Variants in IQSEC1 observed in about 807,000 individuals in gnomAD.
IQSEC1 encodes IQ motif and Sec7 domain ArfGEF 1, also known as IQ motif and SEC7 domain-containing protein 1.
In IQSEC1, 31 loss-of-function variants were observed where a neutral mutation model predicts 91.0. The observed-to-expected ratio is 0.34, with a 90% CI of 0.26 to 0.46. The LOEUF (loss-of-function observed/expected upper bound fraction) is 0.46. IQSEC1 is among the 20% of genes least tolerant of loss of function. IQSEC1 has a pLI of 1.00. For missense variants in IQSEC1, 1,388 were observed against 1,575.6 expected (o/e 0.88, Z 2.02); for synonymous variants, 699 against 662.6 (o/e 1.05, Z -0.84).
intron 1 of IQSEC1, among the ~76,000 whole-genome samples, chr3:13,165,291 G>A (rs1409939960): frequency 1.3e-5 from 2 of 152,072 alleles, no homozygotes; most frequent in Non-Finnish European, 2.9e-5. Context: ...GTGAAGTGGT[G>A]ATGTGAGATG....
At position 12,924,829 on chromosome 3, in the gene IQSEC1, G is replaced by A. The variant is rs1048990568; in HGVS notation, c.1569-87C>T. Reference sequence around the variant, plus strand: ...GGGGATCTCCGCTCAGTGGACGGTCGACATTCTCCCTCCCTGCCCACCTGC... The same window carrying A: ...GGGGATCTCCGCTCAGTGGACGGTCAACATTCTCCCTCCCTGCCCACCTGC... On this transcript the variant is annotated intron_variant, in intron 3 of 13. Transcript: ENST00000613206. The surrounding 1 kb of genome is among the most constrained non-coding windows in gnomAD (Gnocchi z 6.3). 39 of 1,287,344 alleles carry A rather than the reference G, an allele frequency of 3.0e-5. No homozygotes were observed. The highest frequency in any genetic ancestry group is 5.0e-5 in the Admixed American group (2 of 39,786). The allele number at this position is 1,287,344 out of a possible 1,614,324, so 79.7% of individuals were successfully genotyped here. A position where few individuals can be genotyped will look rare whatever the true frequency, so the allele number is the denominator to read the frequency against.
chr3:12,967,078 A>G lies in IQSEC1; in HGVS notation c.24-25213T>C, dbSNP rs1216883358. Among the ~76,000 whole-genome samples, 2 of 146,604 alleles carry G rather than the reference A, an allele frequency of 1.4e-5. No homozygotes were observed. Among genetic ancestry groups the G allele is most frequent in the African/African-American group, 5.0e-5 (2 of 39,608 alleles). ...CAAACTCAAACTCACCCCCACACCA[A>G]CTTGCACTCCAACAGGCCCTCGATC... On this transcript the variant is annotated intron_variant, in intron 1 of 13. Coordinates refer to ENST00000613206, the MANE Select transcript of IQSEC1 (RefSeq NM_001134382.3). The surrounding 1 kb of genome is among the most constrained non-coding windows in gnomAD (Gnocchi z 5.9).
intron 1 of IQSEC1, among the ~76,000 whole-genome samples, chr3:13,237,546 C>G (rs929436830): frequency 6.6e-6 from 1 of 152,182 alleles, no homozygotes; most frequent in Non-Finnish European, 1.5e-5. Flanking sequence ...GGCCCCGGTT[C>G]CCCCACAGAC....
chr3:12,933,562 C>T (rs576258184), intron 3 of IQSEC1, among the ~76,000 whole-genome samples: 32 of 152,376 alleles, frequency 2.1e-4, no homozygotes, highest in African/African-American at 6.5e-4. Flanking sequence ...TTACCCTCAC[C>T]GCCCTGGGAG....
intron 2 of IQSEC1, among the ~76,000 whole-genome samples, chr3:13,162,132 C>T (rs1385759589): frequency 3.9e-5 from 6 of 152,226 alleles, no homozygotes; most frequent in African/African-American, 1.2e-4. Flanking sequence ...TGTTCACTAG[C>T]CCCCGCTCAG....
chr3:13,134,854 G>A (rs1478061736), intron 2 of IQSEC1, among the ~76,000 whole-genome samples: 1 of 152,160 alleles, frequency 6.6e-6, no homozygotes, highest in Non-Finnish European at 1.5e-5. Flanking sequence ...TCCAGCCTCA[G>A]AACCTGGGAG....
At chr3:13,072,440 G>T (rs2882072) in intron 1 of IQSEC1, among the ~76,000 whole-genome samples, 37,777 of 152,070 alleles carry the variant, frequency 0.25, 5,180 homozygotes, top group East Asian at 0.37. Context: ...TGCTGCTGGC[G>T]TGAGGCCCAG....
rs538748706 is a variant in IQSEC1 at position 12,955,787 on chromosome 3, C to T, written c.24-13922G>A. 1.2e-4 allele frequency among the ~76,000 whole-genome samples: 18 copies of T among 152,332 alleles called. 2 individuals are homozygous for T. The South Asian group carries it at 2.3e-3, about 19-fold the overall frequency. On this transcript the variant is annotated intron_variant, in intron 1 of 13. Coordinates refer to ENST00000613206, the MANE Select transcript of IQSEC1 (RefSeq NM_001134382.3). ...ATCCCTCAGGGACCCTCGGCCTTGC[C>T]CCTGGGAGAGTTGGTCAGGAGACCT... is the stretch of plus-strand genomic sequence containing the variant.
chr3:12,977,392 G>C (rs1345524961), intron 1 of IQSEC1, among the ~76,000 whole-genome samples: 2 of 151,310 alleles, frequency 1.3e-5, no homozygotes, highest in African/African-American at 4.9e-5. Flanking sequence ...AAAACGAATG[G>C]CCATCCTTGG....
At chr3:12,995,392 A>C (rs1394823928) in intron 1 of IQSEC1, among the ~76,000 whole-genome samples, 2 of 152,324 alleles carry the variant, frequency 1.3e-5, no homozygotes, top group East Asian at 1.9e-4. Flanking sequence ...AGAATGGGCA[A>C]ATGGATCCAG....
At position 12,901,212 on chromosome 3, in the gene IQSEC1, G is replaced by A. The variant is rs1481822050; in HGVS notation, c.3116C>T (p.Pro1039Leu). Reference protein sequence around the residue: ...TQYCHMQNPPPYHHHHHHHPP... With the variant: ...TQYCHMQNPPLYHHHHHHHPP... ...GTGGTGGTGGTGGTGATGGTGGTAC[G>A]GGGGAGGGTTCTGCATGTGGCAGTA... The change falls in exon 14 of 14, where the codon CCG (proline) becomes CTG (leucine). Residue 1039 changes from proline (P) to leucine (L), a missense_variant. By Grantham distance (98) the Pro-to-Leu change is moderately conservative (BLOSUM62 -3). This residue lies in a region of IQSEC1 where 329 missense variants were observed against 257.8 expected (regional missense o/e 1.28). Coordinates refer to ENST00000613206, the MANE Select transcript of IQSEC1 (RefSeq NM_001134382.3). 14 of 1,546,678 alleles carry A rather than the reference G, an allele frequency of 9.1e-6. No homozygotes were observed. Among genetic ancestry groups the A allele is most frequent in the East Asian group, 2.4e-5 (1 of 40,880 alleles).
rs568223200 is a variant in IQSEC1, at chr3:13,060,965, C to T, written c.23+12027G>A. ...CCCAGTTTCCTCTGCATACGGGCTC[C>T]GAGCCCTGCACTGCCTCCAGGGTAG... On this transcript the variant is annotated intron_variant, in intron 1 of 13. Coordinates refer to ENST00000613206, the MANE Select transcript of IQSEC1 (RefSeq NM_001134382.3). 1.1e-4 allele frequency among the ~76,000 whole-genome samples: 17 copies of T among 152,320 alleles called. No homozygotes were observed. In the South Asian group the frequency reaches 2.7e-3, roughly 24 times the overall value.
chr3:12,919,832 T>C (rs955012503), intron 6 of IQSEC1, among the ~76,000 whole-genome samples: 22 of 152,258 alleles, frequency 1.4e-4, no homozygotes, highest in African/African-American at 5.3e-4. Context: ...CACGGCCTTT[T>C]AGTTCCTTTC....
chr3:12,956,107 T>C (rs1446396900), intron 1 of IQSEC1, among the ~76,000 whole-genome samples: 1 of 152,054 alleles, frequency 6.6e-6, no homozygotes, highest in Admixed American at 6.6e-5. Flanking sequence ...CAAAGCGAGG[T>C]GGCAGCCGCA....
At chr3:13,135,348 G>A (rs909584799) in intron 2 of IQSEC1, among the ~76,000 whole-genome samples, 1 of 152,240 alleles carries the variant, frequency 6.6e-6, no homozygotes. Flanking sequence ...CAGGAGTGGA[G>A]CCTGGGAGCT....
intron 8 of IQSEC1, 33 bp downstream of exon 8, chr3:12,915,071 T>C (rs763272685): frequency 1.3e-6 from 2 of 1,589,104 alleles, no homozygotes; most frequent in South Asian, 2.3e-5. Context: ...GGCGGCGGGC[T>C]ACCCACAAAG....
At chr3:13,045,250 A>C (rs1704451137) in intron 1 of IQSEC1, among the ~76,000 whole-genome samples, 1 of 152,014 alleles carries the variant, frequency 6.6e-6, no homozygotes, top group South Asian at 2.1e-4. Flanking sequence ...TATTCCCTTC[A>C]CCTGGATTTA....
At chr3:13,122,997 G>A (rs371983738) in intron 2 of IQSEC1, among the ~76,000 whole-genome samples, 1 of 152,144 alleles carries the variant, frequency 6.6e-6, no homozygotes, top group Non-Finnish European at 1.5e-5. Context: ...GGTGTGCTGA[G>A]TGCCACAGGC....
chr3:13,219,510 A>G (rs1172108329), intron 1 of IQSEC1, among the ~76,000 whole-genome samples: 2 of 152,214 alleles, frequency 1.3e-5, no homozygotes, highest in Non-Finnish European at 2.9e-5. Context: ...AGGCACATGA[A>G]GCAGACGCAC....
Sources: allele counts gnomAD v4.1 joint callset (sites outside exome capture counted in the v4.1 genomes callset), GRCh38; gene constraint gnomAD v4.1.1; regional missense constraint gnomAD v4.1.1; non-coding constraint Gnocchi (gnomAD v3.1); transcripts MANE v1.5; gene names NCBI Gene and HGNC (gene_info 2026-07-23, HGNC 2026-07-21).